SERPINE2: variants seen among roughly 807,000 people sequenced by gnomAD.
SERPINE2 encodes the protein serpin family E member 2, also known as glia-derived nexin.
Under a neutral mutation model 36.3 loss-of-function variants are expected in SERPINE2, and 14 were observed. The observed-to-expected ratio is 0.39, with a 90% CI of 0.25 to 0.60. SERPINE2 has a LOEUF of 0.60. SERPINE2 is among the 20% of genes least tolerant of loss of function. The pLI, the probability that SERPINE2 is intolerant of heterozygous loss-of-function variation, is 0.57. For missense variants in SERPINE2, 418 were observed against 499.6 expected (o/e 0.84, Z 1.56); for synonymous variants, 192 against 191.8 (o/e 1.00, Z -0.01).
intron 1 of SERPINE2, among the ~76,000 whole-genome samples, chr2:224,012,657 T>A (rs1691670085): frequency 6.6e-6 from 1 of 152,100 alleles, no homozygotes; most frequent in African/African-American, 2.4e-5. Context: ...AGGACAGATA[T>A]TAAAATATCT....
intron 1 of SERPINE2, among the ~76,000 whole-genome samples, chr2:224,008,641 T>C (rs1246154848): frequency 6.6e-6 from 1 of 152,232 alleles, no homozygotes; most frequent in African/African-American, 2.4e-5. Flanking sequence ...ACTAGATGTT[T>C]AGGCTCATTT....
At chr2:224,013,891 G>A (rs1422263108) in intron 1 of SERPINE2, 2 of 152,296 alleles carry the variant, frequency 1.3e-5, no homozygotes, top group Non-Finnish European at 1.5e-5. Flanking sequence ...TCAGTGTAGT[G>A]TGTGCATGTC....
chr2:224,012,881 C>T (rs1205665384), intron 1 of SERPINE2, among the ~76,000 whole-genome samples: 1 of 152,052 alleles, frequency 6.6e-6, no homozygotes, highest in African/African-American at 2.4e-5. Context: ...GATCATAAAA[C>T]TTTAATAAAA....
intron 1 of SERPINE2, among the ~76,000 whole-genome samples, chr2:224,037,194 C>T (rs1047275781): frequency 1.3e-5 from 2 of 152,174 alleles, no homozygotes; most frequent in Non-Finnish European, 2.9e-5. Flanking sequence ...TATTGGATGA[C>T]TGGGTAAACA....
intron 2 of SERPINE2, 80 bp downstream of exon 2, chr2:224,001,562 A>T: frequency 6.6e-7 from 1 of 1,507,230 alleles, no homozygotes; most frequent in Non-Finnish European, 8.9e-7. Flanking sequence ...TGGGGTTGTC[A>T]GCAAAAACCA....
At chr2:223,979,743 G>A (rs1277102944) in intron 7 of SERPINE2, 1 of 152,596 alleles carries the variant, frequency 6.6e-6, no homozygotes, top group East Asian at 1.9e-4. Flanking sequence ...GGTTTATCCT[G>A]GATAGACCTG....
At chr2:224,015,089 G>A (rs1691756113) in intron 1 of SERPINE2, among the ~76,000 whole-genome samples, 1 of 152,070 alleles carries the variant, frequency 6.6e-6, no homozygotes, top group South Asian at 2.1e-4. Context: ...CTAGGTGGGG[G>A]GAGGCCAGGG....
chr2:224,038,849 G>C (rs966468400), intron 1 of SERPINE2: 4 of 272,352 alleles, frequency 1.5e-5, no homozygotes, highest in East Asian at 6.4e-5. Flanking sequence ...CCCGGGTCCC[G>C]CTCGGGGCTC....
intron 1 of SERPINE2, chr2:224,030,891 A>C: frequency 2.3e-6 from 2 of 870,642 alleles, no homozygotes; most frequent in Non-Finnish European, 2.8e-6. Context: ...GTCAGTACTA[A>C]TTTTAGATTT....
At chr2:223,995,926 A>G (rs1305198547) in intron 3 of SERPINE2, among the ~76,000 whole-genome samples, 1 of 152,168 alleles carries the variant, frequency 6.6e-6, no homozygotes, top group Admixed American at 6.5e-5. Context: ...CTACATATAT[A>G]CATTTCTTTT....
Position 223,984,881 on chromosome 2 carries a change from CT to C in SERPINE2, c.754del (p.Ser252AlafsTer3), listed in dbSNP as rs775990737. 6.2e-7 allele frequency: 1 copy of C among 1,614,176 alleles called. No individual in the cohort carries two copies. Among genetic ancestry groups the C allele is most frequent in the Admixed American group, 1.7e-5 (1 of 60,020 alleles). ...IELPYHGESI[S>X]MLIALPTESS... ...CTCAGTCGGCAGTGCAATCAGCATG[CT>C]GATGCTTTCCCCGTGGTAGGGCAGT... On this transcript the variant is annotated frameshift_variant, in exon 5 of 9. Coordinates refer to ENST00000409304, the MANE Select transcript of SERPINE2 (RefSeq NM_001136528.2). LOFTEE classifies it high-confidence loss of function.
At chr2:224,006,188 T>C (rs1691416451) in intron 1 of SERPINE2, among the ~76,000 whole-genome samples, 1 of 152,208 alleles carries the variant, frequency 6.6e-6, no homozygotes, top group Non-Finnish European at 1.5e-5. Flanking sequence ...ACACAGGTGA[T>C]GCTCAAATAT....
At chr2:223,998,992 G>C (rs976930168) in intron 2 of SERPINE2, among the ~76,000 whole-genome samples, 3 of 152,122 alleles carry the variant, frequency 2.0e-5, no homozygotes, top group African/African-American at 7.2e-5. Flanking sequence ...ATAGCCAAGG[G>C]GGAACAAATC....
intron 1 of SERPINE2, among the ~76,000 whole-genome samples, chr2:224,003,227 T>C (rs1219060839): frequency 1.3e-5 from 2 of 151,992 alleles, no homozygotes; most frequent in East Asian, 3.9e-4. Context: ...TAGAGGCCAG[T>C]GTGGATGTGA....
intron 7 of SERPINE2, chr2:223,978,013 T>C (rs1690075526): frequency 6.0e-6 from 1 of 166,812 alleles, no homozygotes; most frequent in African/African-American, 2.4e-5. Flanking sequence ...ATTCACACCA[T>C]CTGCTTTGCT....
intron 1 of SERPINE2, among the ~76,000 whole-genome samples, chr2:224,028,121 C>CAGTTCTGT (rs1474352389): frequency 6.6e-6 from 1 of 152,156 alleles, no homozygotes; most frequent in Admixed American, 6.5e-5. Context: ...CAGGTGATGG[C>CAGTTCTGT]AGTTCTGTCA....
At chr2:224,013,987 C>T (rs1691715161) in intron 1 of SERPINE2, 1 of 152,308 alleles carries the variant, frequency 6.6e-6, no homozygotes, top group Non-Finnish European at 1.5e-5. Context: ...GCCAAAGCTT[C>T]AATTACCAGT....
rs146115317 is a variant in SERPINE2, at chr2:223,996,405, C to T, written c.487+1710G>A. On this transcript the variant is annotated intron_variant, in intron 3 of 8. Coordinates refer to ENST00000409304, the MANE Select transcript of SERPINE2 (RefSeq NM_001136528.2). The stretch of plus-strand genomic sequence containing the variant: ...CGATGGTTTATGGTTTTAGGAAGGG[C>T]GCCCAGACTGCATGGTCCAGGCCCC... Among the ~76,000 whole-genome samples the T allele has an allele frequency of 2.3e-3, 347 of 152,290 alleles. 2 individuals are homozygous for T. Among genetic ancestry groups the T allele is most frequent in the African/African-American group, 7.7e-3 (321 of 41,560 alleles).
At chr2:223,995,990 GT>G (rs1690873712) in intron 3 of SERPINE2, among the ~76,000 whole-genome samples, 1 of 152,200 alleles carries the variant, frequency 6.6e-6, no homozygotes, top group Admixed American at 6.5e-5. Context: ...AAATTTGTGT[GT>G]GTGCATAGAG....
Sources: allele counts gnomAD v4.1 joint callset (sites outside exome capture counted in the v4.1 genomes callset), GRCh38; gene constraint gnomAD v4.1.1; transcripts MANE v1.5; gene names NCBI Gene and HGNC (gene_info 2026-07-23, HGNC 2026-07-21).